Variants in SIL1 observed in about 807,000 individuals in gnomAD.
SIL1 encodes SIL1 nucleotide exchange factor.
A neutral mutation model predicts 49.1 loss-of-function variants in SIL1; 40 were observed. The observed-to-expected ratio is 0.81, with a 90% CI of 0.63 to 1.06. The LOEUF (loss-of-function observed/expected upper bound fraction) is 1.06. SIL1 is among the 50% of genes least tolerant of loss of function. The pLI is 0.00. For synonymous variants in SIL1, 253 were observed against 250.8 expected (o/e 1.01, Z -0.08); for missense variants, 500 against 572.6 (o/e 0.87, Z 1.29).
chr5:139,093,518 T>A (rs1392706979), intron 3 of SIL1, among the ~76,000 whole-genome samples: 3 of 151,898 alleles, frequency 2.0e-5, no homozygotes, highest in African/African-American at 7.2e-5. Flanking sequence ...ACCCTGGCCA[T>A]TGCGCTGAGG....
At chr5:139,094,953 G>A (rs1213809062) in intron 3 of SIL1, among the ~76,000 whole-genome samples, 2 of 152,194 alleles carry the variant, frequency 1.3e-5, no homozygotes, top group African/African-American at 4.8e-5. Context: ...ATCTGGGTTT[G>A]TCTGATGTTT....
intron 1 of SIL1, among the ~76,000 whole-genome samples, chr5:139,181,711 A>G (rs1751986822): frequency 6.6e-6 from 1 of 152,182 alleles, no homozygotes; most frequent in South Asian, 2.1e-4. Flanking sequence ...AGAGTCCAGG[A>G]TAGAGTCTGG....
intron 1 of SIL1, among the ~76,000 whole-genome samples, chr5:139,149,887 A>G (rs1288125942): frequency 6.6e-6 from 1 of 151,728 alleles, no homozygotes; most frequent in Non-Finnish European, 1.5e-5. Context: ...CAGGTTAGAT[A>G]GAGTTCAAAC....
chr5:138,976,462 G>A (rs1193711462), intron 7 of SIL1, among the ~76,000 whole-genome samples: 4 of 151,902 alleles, frequency 2.6e-5, no homozygotes, highest in Non-Finnish European at 5.9e-5. Context: ...ACAGGCACGC[G>A]CCACCATACC....
intron 7 of SIL1, among the ~76,000 whole-genome samples, chr5:138,953,705 C>G (rs1766837899): frequency 6.6e-6 from 1 of 152,222 alleles, no homozygotes; most frequent in South Asian, 2.1e-4. Context: ...CGACTTGAGA[C>G]AGGCAGCTGT....
In SIL1 at chr5:139,189,439, G is replaced by C. The variant is rs113671161; in HGVS notation, c.-11+8830C>G. Among the ~76,000 whole-genome samples the C allele has an allele frequency of 4.7e-3, 719 of 152,280 alleles. 1 individual carries two copies. The highest frequency in any genetic ancestry group is 0.016 in the African/African-American group (685 of 41,552). ...CTGTCACTGTCTCCCATCACCCCCA[G>C]ATGGGACCGTCTAGTTGCAGGAAAA... On this transcript the variant is annotated intron_variant, in intron 1 of 9. Coordinates refer to ENST00000394817, the MANE Select transcript of SIL1 (RefSeq NM_022464.5).
chr5:138,996,030 T>A (rs1284013997), intron 7 of SIL1, among the ~76,000 whole-genome samples: 1 of 152,220 alleles, frequency 6.6e-6, no homozygotes, highest in African/African-American at 2.4e-5. Context: ...GATATATTGA[T>A]TTCCTTTCTT....
At chr5:139,121,649 A>C (rs1214129500) in intron 2 of SIL1, among the ~76,000 whole-genome samples, 1 of 152,210 alleles carries the variant, frequency 6.6e-6, no homozygotes, top group African/African-American at 2.4e-5. Flanking sequence ...AGATGTACAA[A>C]AGCTGGCAGC....
intron 7 of SIL1, among the ~76,000 whole-genome samples, chr5:138,968,751 T>TAACAGGAGCTGCCTGCAGACAC (rs1767207403): frequency 6.6e-6 from 1 of 152,116 alleles, no homozygotes; most frequent in Non-Finnish European, 1.5e-5. Flanking sequence ...AGCATGCAAT[T>TAACAGGAGCTGCCTGCAGACAC]AACAGGAGCT....
At chr5:139,120,725 C>G (rs1180793804) in intron 3 of SIL1, among the ~76,000 whole-genome samples, 1 of 152,204 alleles carries the variant, frequency 6.6e-6, no homozygotes, top group Non-Finnish European at 1.5e-5. Context: ...ATTTGCAGAG[C>G]AAGGCACATG....
rs1310047910 is a variant in SIL1 at position 139,121,271 on chromosome 5, C to A, written c.106-98G>T. 28 of 1,517,840 alleles carry A rather than the reference C, an allele frequency of 1.8e-5. No individual in the cohort carries two copies. In the East Asian group the frequency reaches 6.3e-4, roughly 34 times the overall value. The allele number at this position is 1,517,840 out of a possible 1,614,324, so 94.0% of individuals were successfully genotyped here. On this transcript the variant is annotated intron_variant, in intron 2 of 9. Coordinates refer to ENST00000394817, the MANE Select transcript of SIL1 (RefSeq NM_022464.5). ...GTGGCACGTTCTTTTCCTCCATGCC[C>A]CTCTCCCCCACAGCCTGATATGTCT...
intron 3 of SIL1, among the ~76,000 whole-genome samples, chr5:139,083,083 G>A (rs969095794): frequency 1.3e-5 from 2 of 152,184 alleles, no homozygotes; most frequent in African/African-American, 4.8e-5. Context: ...AAGAAGCAGG[G>A]AATAAAGCAA....
At chr5:138,949,961 T>C (rs755586882) in intron 9 of SIL1, among the ~76,000 whole-genome samples, 6 of 152,234 alleles carry the variant, frequency 3.9e-5, no homozygotes, top group Non-Finnish European at 8.8e-5. Context: ...GCCATTTCTG[T>C]ACTGTTTGTA....
At chr5:138,993,123 G>A (rs553562464) in intron 7 of SIL1, among the ~76,000 whole-genome samples, 28 of 152,214 alleles carry the variant, frequency 1.8e-4, no homozygotes, top group Middle Eastern at 6.8e-3. Flanking sequence ...ACTACGTTTT[G>A]GCCAACAGAT....
Position 139,127,809 on chromosome 5 carries a change from G to C in SIL1, c.35C>G (p.Ala12Gly). 1.2e-6 allele frequency: 2 copies of C among 1,609,430 alleles called. No homozygotes were observed. Among genetic ancestry groups the C allele is most frequent in the Non-Finnish European group, 1.7e-6 (2 of 1,178,550 alleles). ...CAGCCCAAGCAGCATGCCCAGAGGAGCCATCCTAGATGAAGGCAGGCTCTG... is the reference window on the plus strand; with the variant it reads ...CAGCCCAAGCAGCATGCCCAGAGGACCCATCCTAGATGAAGGCAGGCTCTG... ...APQSLPSSRM[A>G]PLGMLLGLLM... The change falls in exon 2 of 10, where the codon GCT (alanine) becomes GGT (glycine). Residue 12 changes from alanine to glycine, a missense_variant. By Grantham distance (60) the Ala-to-Gly change is moderately conservative. Transcript: ENST00000394817.
intron 5 of SIL1, among the ~76,000 whole-genome samples, chr5:139,033,593 T>TC (rs1768840775): frequency 1.3e-5 from 2 of 151,806 alleles, no homozygotes; most frequent in African/African-American, 4.8e-5. Context: ...TTTTTTAACC[T>TC]CCCCTGAGAT....
At chr5:138,958,492 T>G (rs1479542864) in intron 7 of SIL1, among the ~76,000 whole-genome samples, 1 of 152,212 alleles carries the variant, frequency 6.6e-6, no homozygotes, top group African/African-American at 2.4e-5. Flanking sequence ...AGACAGCCTA[T>G]TCCTCATCAA....
At chr5:139,101,885 G>T (rs943994635) in intron 3 of SIL1, among the ~76,000 whole-genome samples, 2 of 152,202 alleles carry the variant, frequency 1.3e-5, no homozygotes, top group Admixed American at 6.5e-5. Flanking sequence ...CAAAGAAGAA[G>T]AATCCAGGGA....
At position 139,127,809 on chromosome 5, in the gene SIL1, G is replaced by A; in HGVS notation, c.35C>T (p.Ala12Val). ...APQSLPSSRM[A>V]PLGMLLGLLM... ...CAGCCCAAGCAGCATGCCCAGAGGA[G>A]CCATCCTAGATGAAGGCAGGCTCTG... Residue 12 changes from alanine to valine, a missense_variant, in exon 2 of 10, where the codon GCT becomes GTT. Ala to Val is a moderately conservative substitution (Grantham distance 64). Transcript: ENST00000394817. The A allele has an allele frequency of 6.2e-7, 1 of 1,609,430 alleles. No homozygotes were observed. Among genetic ancestry groups the A allele is most frequent in the Non-Finnish European group, 8.5e-7 (1 of 1,178,550 alleles).
Sources: gnomAD v4.1 joint callset for allele counts (sites outside exome capture counted in the v4.1 genomes callset) on GRCh38, gnomAD v4.1.1 for gene constraint, MANE v1.5 for transcripts, NCBI Gene and HGNC (gene_info 2026-07-23, HGNC 2026-07-21) for gene names.